Variants in DDO observed in about 807,000 individuals in gnomAD.
DDO encodes D-aspartate oxidase, DDO.
Under a neutral mutation model 16.8 loss-of-function variants are expected in DDO, and 16 were observed. That is an observed-to-expected ratio of 0.95 (90% CI 0.65 to 1.45). The LOEUF (loss-of-function observed/expected upper bound fraction) is 1.45, where lower values mean the gene tolerates loss of function less well. Ranked by LOEUF, DDO falls within the 40% of genes most tolerant of loss-of-function variation. The pLI is 0.00. For missense variants in DDO, 429 were observed against 420.3 expected, an observed-to-expected ratio of 1.02 and a Z score of -0.18; for synonymous variants, 180 against 167.2, an observed-to-expected ratio of 1.08 and a Z score of -0.59.
intron 3 of DDO, among the ~76,000 whole-genome samples, chr6:110,407,253 G>A (rs1773688920): frequency 1.3e-5 from 2 of 152,200 alleles, no homozygotes; most frequent in South Asian, 2.1e-4. Flanking sequence ...TGGACAAAGA[G>A]TGTGACCGTA....
In DDO at chr6:110,404,630, AG is replaced by A. The variant is rs933415482; in HGVS notation, c.458+143del. On this transcript the variant is annotated intron_variant, in intron 4 of 4. Transcript: ENST00000368924. Reference sequence around the variant, plus strand: ...ACACTGTCTTCAGATTGTTTTACAAAGCCCTAGCCATTTGTGAGTGGCAAGG... The same window carrying A: ...ACACTGTCTTCAGATTGTTTTACAAACCCTAGCCATTTGTGAGTGGCAAGG... The A allele has an allele frequency of 1.4e-5, 10 of 734,898 alleles. No individual in the cohort carries two copies. The East Asian group carries it at 2.6e-4, about 19-fold the overall frequency. The allele number at this position is 734,898 out of a possible 1,614,324, so 45.5% of individuals were successfully genotyped here. A position where few individuals can be genotyped will look rare whatever the true frequency, so the allele number is the denominator to read the frequency against.
chr6:110,402,237 A>T (rs1179906448), intron 4 of DDO, among the ~76,000 whole-genome samples: 2 of 152,234 alleles, frequency 1.3e-5, no homozygotes, highest in African/African-American at 4.8e-5. Context: ...ACATGTGGAC[A>T]TTATATGGAC....
At position 110,413,424 on chromosome 6, in the gene DDO, C is replaced by A; in HGVS notation, c.39G>T (p.Val13=). 1.9e-6 allele frequency: 3 copies of A among 1,613,918 alleles called. No homozygotes were observed. Among genetic ancestry groups the A allele is most frequent in the Non-Finnish European group, 2.5e-6 (3 of 1,180,026 alleles). ...TARIAVVGAG[V]VGLSTAVCIS... The stretch of plus-strand genomic sequence containing the variant: ...TGCACACAGCCGTGGAGAGCCCCAC[C>A]ACACCTGCCCCGACAACTGCAATCC... Residue 13 remains valine (V), a synonymous_variant, in exon 2 of 5, where the codon GTG becomes GTT. Transcript: ENST00000368924.
chr6:110,403,278 T>A (rs369061676), intron 4 of DDO, among the ~76,000 whole-genome samples: 21 of 152,210 alleles, frequency 1.4e-4, no homozygotes, highest in East Asian at 9.6e-4. Flanking sequence ...TTTTATTTTA[T>A]TCTGGATTTT....
rs773511073 is a variant in DDO at position 110,413,416 on chromosome 6, A to G, written c.47T>C (p.Leu16Pro). The change falls in exon 2 of 5, where the codon CTC (leucine) becomes CCC (proline). Residue 16 changes from leucine (L) to proline (P), a missense_variant. Coordinates refer to ENST00000368924, the MANE Select transcript of DDO (RefSeq NM_001372108.2). ...TTTGGAGATGCACACAGCCGTGGAG[A>G]GCCCCACCACACCTGCCCCGACAAC... ...IAVVGAGVVG[L>P]STAVCISKLV... The G allele has an allele frequency of 1.2e-6, 2 of 1,613,930 alleles. No individual in the cohort carries two copies. Among genetic ancestry groups the G allele is most frequent in the South Asian group, 1.1e-5 (1 of 91,052 alleles).
chr6:110,401,639 G>A (rs187690335), intron 4 of DDO, among the ~76,000 whole-genome samples: 1 of 152,132 alleles, frequency 6.6e-6, no homozygotes, highest in Admixed American at 6.5e-5. Flanking sequence ...AATACATATA[G>A]GAAAAGGAAA....
chr6:110,408,124 CTGAT>C (rs1342288812), intron 3 of DDO, among the ~76,000 whole-genome samples: 6 of 152,184 alleles, frequency 3.9e-5, no homozygotes, highest in Non-Finnish European at 7.3e-5. Context: ...ATGAGAAACT[CTGAT>C]TGTTGTTTAT....
chr6:110,400,329 GC>G (rs1221181303), intron 4 of DDO, among the ~76,000 whole-genome samples: 2 of 150,732 alleles, frequency 1.3e-5, no homozygotes, highest in Non-Finnish European at 3.0e-5. Flanking sequence ...CTGGGAGGGT[GC>G]GCAGGAGCGG....
downstream of DDO, among the ~76,000 whole-genome samples, chr6:110,390,609 G>A (rs759718835): frequency 6.6e-6 from 1 of 152,192 alleles, no homozygotes; most frequent in African/African-American, 2.4e-5. Flanking sequence ...AAAGGTCATA[G>A]AAGGTGAGCC....
intron 2 of DDO, 72 bp downstream of exon 2, chr6:110,413,219 G>T: frequency 2.0e-6 from 3 of 1,537,804 alleles, no homozygotes; most frequent in Non-Finnish European, 2.7e-6. Context: ...GCTGTCTTTT[G>T]TCAATAGAAT....
At chr6:110,405,886 A>G (rs1773636725) in intron 3 of DDO, among the ~76,000 whole-genome samples, 1 of 152,114 alleles carries the variant, frequency 6.6e-6, no homozygotes, top group Non-Finnish European at 1.5e-5. Flanking sequence ...CTAGACGAGT[A>G]AGACCCTGCC....
intron 4 of DDO, among the ~76,000 whole-genome samples, chr6:110,398,178 G>T (rs1003301449): frequency 6.6e-6 from 1 of 151,988 alleles, no homozygotes; most frequent in Non-Finnish European, 1.5e-5. Flanking sequence ...GCATCCTCTG[G>T]TCATCACCCT....
rs1377814481 is a variant in DDO, at chr6:110,415,556, G to C, written c.-94C>G. 7 of 1,613,620 alleles carry C rather than the reference G, an allele frequency of 4.3e-6. No individual in the cohort carries two copies. Among genetic ancestry groups the C allele is most frequent in the Non-Finnish European group, 5.9e-6 (7 of 1,179,936 alleles). ...GCCTGGCTGGTCTCATGCCCTGAGA[G>C]ACAGAGAGAAAGCGAAACTGATTCC... On this transcript the variant is annotated 5_prime_UTR_variant, in exon 1 of 5. Coordinates refer to ENST00000368924, the MANE Select transcript of DDO (RefSeq NM_001372108.2).
intron 1 of DDO, 136 bp from the exon 2 acceptor site, chr6:110,413,602 G>T (rs770699986): frequency 4.4e-5 from 35 of 800,278 alleles, no homozygotes; most frequent in Admixed American, 4.1e-4. Flanking sequence ...TTTCTTGTGA[G>T]ATAAAGAGGA....
intron 3 of DDO, among the ~76,000 whole-genome samples, chr6:110,407,595 C>T (rs1225355481): frequency 1.3e-5 from 2 of 152,094 alleles, no homozygotes; most frequent in Admixed American, 6.6e-5. Context: ...ATGTATGTTA[C>T]AAGTGTAACA....
At chr6:110,388,684 C>G (rs1214846654), downstream of DDO, 2 of 466,978 alleles carry the variant, frequency 4.3e-6, no homozygotes, top group African/African-American at 4.2e-5. Context: ...GAAGCACACG[C>G]TGGCAATGAC....
intron 4 of DDO, among the ~76,000 whole-genome samples, chr6:110,395,484 T>C (rs1032768575): frequency 4.6e-5 from 7 of 151,756 alleles, no homozygotes; most frequent in African/African-American, 1.7e-4. Flanking sequence ...AGATACAGGG[T>C]GGCAGAACTT....
At chr6:110,389,124 T>G (rs775302784), downstream of DDO, among the ~76,000 whole-genome samples, 1 of 152,224 alleles carries the variant, frequency 6.6e-6, no homozygotes, top group Non-Finnish European at 1.5e-5. Flanking sequence ...CATCATCCAA[T>G]CTGTTGAAGG....
At chr6:110,413,985 G>A (rs1307009700) in intron 1 of DDO, among the ~76,000 whole-genome samples, 2 of 152,186 alleles carry the variant, frequency 1.3e-5, no homozygotes, top group Non-Finnish European at 2.9e-5. Context: ...TGTTGGCTAG[G>A]CTGGTCTCGA....
Sources: gnomAD v4.1 joint callset for allele counts (sites outside exome capture counted in the v4.1 genomes callset) on GRCh38, gnomAD v4.1.1 for gene constraint, MANE v1.5 for transcripts, NCBI Gene and HGNC (gene_info 2026-07-23, HGNC 2026-07-21) for gene names.